Variants in MDGA2 observed in about 807,000 individuals in gnomAD.
MDGA2 encodes the protein MAM domain containing glycosylphosphatidylinositol anchor 2.
Under a neutral mutation model 117.8 loss-of-function variants are expected in MDGA2, and 40 were observed. The observed-to-expected ratio is 0.34, with a 90% CI of 0.26 to 0.44. The LOEUF (loss-of-function observed/expected upper bound fraction) is 0.44, where lower values mean the gene tolerates loss of function less well. Among genes scored for constraint, MDGA2 ranks in the 20% least tolerant of loss-of-function variants. The probability of loss-of-function intolerance (pLI) is 1.00; values close to 1 mark genes in which losing one functional copy is unlikely to be tolerated. For missense variants in MDGA2, 1,123 were observed against 1,250.6 expected, an observed-to-expected ratio of 0.90 and a Z score of 1.54; for synonymous variants, 452 against 439.0, an observed-to-expected ratio of 1.03 and a Z score of -0.37.
intron 1 of MDGA2, among the ~76,000 whole-genome samples, chr14:47,513,179 A>T (rs1483277665): frequency 6.6e-6 from 1 of 152,128 alleles, no homozygotes; most frequent in Non-Finnish European, 1.5e-5. Flanking sequence ...GATGAAAGAA[A>T]GCATCACCTT....
At chr14:47,599,529 G>A (rs1196968018) in intron 1 of MDGA2, among the ~76,000 whole-genome samples, 1 of 152,036 alleles carries the variant, frequency 6.6e-6, no homozygotes, top group Non-Finnish European at 1.5e-5. Context: ...CCCCACCAAT[G>A]AATTTGATCC....
intron 8 of MDGA2, among the ~76,000 whole-genome samples, chr14:46,974,321 C>T (rs904522060): frequency 4.6e-5 from 7 of 152,146 alleles, no homozygotes; most frequent in East Asian, 1.9e-4. Context: ...GCAGATTCAA[C>T]GCAATCCCTA....
intron 1 of MDGA2, among the ~76,000 whole-genome samples, chr14:47,544,942 A>G (rs916888712): frequency 3.9e-5 from 6 of 152,328 alleles, no homozygotes; most frequent in African/African-American, 1.4e-4. Flanking sequence ...ATTTAATCTA[A>G]TTTACTAACA....
At chr14:46,977,813 ATG>A (rs1272019588) in intron 8 of MDGA2, among the ~76,000 whole-genome samples, 1 of 150,710 alleles carries the variant, frequency 6.6e-6, no homozygotes, top group Non-Finnish European at 1.5e-5. Context: ...TGGGGAGATA[ATG>A]TAGGGGGACT....
chr14:47,429,156 C>T (rs1240349837), intron 1 of MDGA2, among the ~76,000 whole-genome samples: 9 of 151,642 alleles, frequency 5.9e-5, no homozygotes, highest in Non-Finnish European at 1.0e-4. Context: ...ACCTAGGGGG[C>T]AGAGGTTGCA....
chr14:46,997,732 G>C (rs1017162920), intron 8 of MDGA2, among the ~76,000 whole-genome samples: 13 of 152,160 alleles, frequency 8.5e-5, no homozygotes, highest in Non-Finnish European at 1.9e-4. Context: ...GGGCAGAGGA[G>C]AGGAAGAAAT....
rs61991420 is a variant in MDGA2, at chr14:46,888,170, G to T, written c.2239-5949C>A. Among the ~76,000 whole-genome samples the T allele has an allele frequency of 5.8e-3, 880 of 152,094 alleles. 10 individuals are homozygous for T. The highest frequency in any genetic ancestry group is 0.017 in the Middle Eastern group (5 of 292). ...AAAGTGTATACTTCAGCAGTTGGCA[G>T]AATAAGCAATTAAATACTTCATATT... On this transcript the variant is annotated intron_variant, in intron 10 of 16. Transcript: ENST00000399232.
intron 10 of MDGA2, among the ~76,000 whole-genome samples, chr14:46,904,928 A>T (rs1189608014): frequency 2.0e-5 from 3 of 152,188 alleles, no homozygotes; most frequent in Admixed American, 2.0e-4. Flanking sequence ...AAGTTGTATT[A>T]TCAGGGTAGT....
Position 47,000,231 on chromosome 14 carries a change from A to G in MDGA2, c.1819+34780T>C, listed in dbSNP as rs939896634. Among the ~76,000 whole-genome samples, 3 of 149,150 alleles carry G rather than the reference A, an allele frequency of 2.0e-5. No homozygotes were observed. The South Asian group carries it at 6.3e-4, about 31-fold the overall frequency. ...ATTATATCTATTTAATACACAAGGA[A>G]TTTAAAGGGTAGAAAGCCTGACTTC... On this transcript the variant is annotated intron_variant, in intron 8 of 16. Coordinates refer to ENST00000399232, the MANE Select transcript of MDGA2 (RefSeq NM_001113498.3).
chr14:47,607,253 A>C (rs1896759412), intron 1 of MDGA2, among the ~76,000 whole-genome samples: 1 of 152,140 alleles, frequency 6.6e-6, no homozygotes, highest in Non-Finnish European at 1.5e-5. Context: ...TATGAAAGAG[A>C]TCAGCATGGG....
At chr14:47,152,754 T>C (rs893911737) in intron 3 of MDGA2, among the ~76,000 whole-genome samples, 13 of 151,702 alleles carry the variant, frequency 8.6e-5, no homozygotes, top group African/African-American at 2.7e-4. Flanking sequence ...GTAAGCCAAA[T>C]ACAGACAACT....
intron 1 of MDGA2, among the ~76,000 whole-genome samples, chr14:47,363,632 A>C (rs1323341442): frequency 2.6e-5 from 4 of 152,178 alleles, no homozygotes; most frequent in African/African-American, 9.7e-5. Flanking sequence ...TATAATAAAA[A>C]GTCACACAGC....
intron 5 of MDGA2, among the ~76,000 whole-genome samples, chr14:47,118,028 C>T (rs1361929332): frequency 6.6e-6 from 1 of 152,148 alleles, no homozygotes; most frequent in African/African-American, 2.4e-5. Flanking sequence ...AACTGAATTA[C>T]AAAGCCATAA....
chr14:46,954,431 A>C (rs1049358727), intron 9 of MDGA2, among the ~76,000 whole-genome samples: 6 of 152,050 alleles, frequency 3.9e-5, no homozygotes, highest in African/African-American at 1.4e-4. Context: ...ACAAACAAAA[A>C]CTATCTTCTC....
intron 8 of MDGA2, among the ~76,000 whole-genome samples, chr14:47,019,773 G>A (rs1888219885): frequency 6.6e-6 from 1 of 151,556 alleles, no homozygotes; most frequent in Non-Finnish European, 1.5e-5. Flanking sequence ...GAACCCGGGA[G>A]GCGGAGCTTG....
intron 3 of MDGA2, among the ~76,000 whole-genome samples, chr14:47,151,657 TTAAA>T (rs1235252690): frequency 1.3e-5 from 2 of 151,938 alleles, no homozygotes; most frequent in East Asian, 1.9e-4. Flanking sequence ...TATCTAGATA[TTAAA>T]TAATTACAAA....
intron 14 of MDGA2, among the ~76,000 whole-genome samples, chr14:46,867,641 C>G (rs981285101): frequency 6.6e-6 from 1 of 151,960 alleles, no homozygotes; most frequent in African/African-American, 2.4e-5. Flanking sequence ...CATACCTGGT[C>G]CTTAATATTT....
At chr14:46,961,972 G>A (rs1885829389) in intron 8 of MDGA2, among the ~76,000 whole-genome samples, 1 of 152,134 alleles carries the variant, frequency 6.6e-6, no homozygotes, top group Non-Finnish European at 1.5e-5. Flanking sequence ...GAAGTTTTGA[G>A]GAAGTTTTTC....
chr14:47,060,077 AAT>A (rs1188362298), intron 7 of MDGA2, among the ~76,000 whole-genome samples: 16 of 152,078 alleles, frequency 1.1e-4, no homozygotes, highest in Admixed American at 8.5e-4. Context: ...CCAACGTTTA[AAT>A]ATGTTAGAAT....
Sources: gnomAD v4.1 joint callset for allele counts (sites outside exome capture counted in the v4.1 genomes callset) on GRCh38, gnomAD v4.1.1 for gene constraint, MANE v1.5 for transcripts, NCBI Gene and HGNC (gene_info 2026-07-23, HGNC 2026-07-21) for gene names.